Variants in DHDDS observed in about 807,000 individuals in gnomAD.
DHDDS encodes dehydrodolichyl diphosphate synthase complex subunit DHDDS.
In DHDDS, 16 loss-of-function variants were observed where a neutral mutation model predicts 46.2. The observed-to-expected ratio is 0.35, with a 90% CI of 0.23 to 0.53. The LOEUF (loss-of-function observed/expected upper bound fraction) is 0.53, where lower values mean the gene tolerates loss of function less well. DHDDS is among the 20% of genes least tolerant of loss of function. The pLI, the probability that DHDDS is intolerant of heterozygous loss-of-function variation, is 0.94. For synonymous variants in DHDDS, 151 were observed against 163.1 expected (o/e 0.93, Z 0.56); for missense variants, 340 against 423.7 (o/e 0.80, Z 1.73).
intron 8 of DHDDS, chr1:26,466,197 C>T (rs563935057): frequency 9.2e-5 from 14 of 152,284 alleles, no homozygotes; most frequent in Admixed American, 4.6e-4. Context: ...TTAACGCCCT[C>T]ACTTACCCTG....
intron 6 of DHDDS, among the ~76,000 whole-genome samples, chr1:26,456,768 C>CTTCT (rs753931542): frequency 6.6e-6 from 1 of 152,190 alleles, no homozygotes; most frequent in Non-Finnish European, 1.5e-5. Flanking sequence ...TTCTTCCTTA[C>CTTCT]TTCTTATCCA....
intron 5 of DHDDS, among the ~76,000 whole-genome samples, chr1:26,446,822 A>C (rs893025388): frequency 1.3e-5 from 2 of 152,154 alleles, no homozygotes; most frequent in African/African-American, 4.8e-5. Context: ...TAACCTATGG[A>C]TAGGATGACC....
intron 6 of DHDDS, among the ~76,000 whole-genome samples, chr1:26,453,421 A>G (rs2075340368): frequency 6.6e-6 from 1 of 152,186 alleles, no homozygotes; most frequent in Admixed American, 6.5e-5. Context: ...TCTGAGTTTG[A>G]AAGTGCTCAT....
rs185342222 is a variant in DHDDS at position 26,458,076 on chromosome 1, G to A, written c.657+171G>A. On this transcript the variant is annotated intron_variant, in intron 7 of 8. Transcript: ENST00000236342. Reference sequence around the variant, plus strand: ...TAGGCTGTGTCTCATAATATTTGATGTCCATTCCTCATCTGTCGCTGGCTT... The same window carrying A: ...TAGGCTGTGTCTCATAATATTTGATATCCATTCCTCATCTGTCGCTGGCTT... Among the ~76,000 whole-genome samples, 4 of 152,280 alleles carry A rather than the reference G, an allele frequency of 2.6e-5. No homozygotes were observed. In the East Asian group the frequency reaches 7.7e-4, roughly 29 times the overall value.
intron 8 of DHDDS, among the ~76,000 whole-genome samples, chr1:26,465,839 T>C (rs1190606937): frequency 6.6e-6 from 1 of 152,172 alleles, no homozygotes; most frequent in African/African-American, 2.4e-5. Flanking sequence ...GGAGGTGCCC[T>C]TCTCTGCCTG....
In DHDDS at chr1:26,446,394, G is replaced by T; in HGVS notation, c.402G>T (p.Leu134=). ...TGTTGCCCTTGGATCTCCAGGAGCTGATTGCACAAGCTGTACAGGCCACGA... is the reference window on the plus strand; with the variant it reads ...TGTTGCCCTTGGATCTCCAGGAGCTTATTGCACAAGCTGTACAGGCCACGA... ...LHLLPLDLQE[L]IAQAVQATKN... The change falls in exon 5 of 9, where the codon CTG becomes CTT. Residue 134 remains leucine, a synonymous_variant. Coordinates refer to ENST00000236342, the MANE Select transcript of DHDDS (RefSeq NM_205861.3). 3 of 1,614,020 alleles carry T rather than the reference G, an allele frequency of 1.9e-6. No individual in the cohort carries two copies. The highest frequency in any genetic ancestry group is 2.5e-6 in the Non-Finnish European group (3 of 1,179,930).
intron 4 of DHDDS, among the ~76,000 whole-genome samples, chr1:26,443,680 G>C (rs2075240185): frequency 6.6e-6 from 1 of 152,144 alleles, no homozygotes; most frequent in African/African-American, 2.4e-5. Flanking sequence ...CTAGAACAAT[G>C]GGTGGTAGGG....
At position 26,469,175 on chromosome 1, in the gene DHDDS, G is replaced by A. The variant is rs748370367; in HGVS notation, c.*44G>A. ...CACTTTGCCCTGCCCTCTGCCTCCAGGGCTCCACTCCCCTTCCTTTTCTTG... is the reference window on the plus strand; with the variant it reads ...CACTTTGCCCTGCCCTCTGCCTCCAAGGCTCCACTCCCCTTCCTTTTCTTG... On this transcript the variant is annotated 3_prime_UTR_variant, in exon 9 of 9. Transcript: ENST00000236342. 2.9e-5 allele frequency: 47 copies of A among 1,610,328 alleles called. No homozygotes were observed. The highest frequency in any genetic ancestry group is 3.9e-5 in the Non-Finnish European group (46 of 1,180,014).
rs763275058 is a variant in DHDDS, at chr1:26,447,549, C to T, written c.441-10C>T. 6 of 1,607,962 alleles carry T rather than the reference C, an allele frequency of 3.7e-6. No homozygotes were observed. In the East Asian group the frequency reaches 1.3e-4, roughly 36 times the overall value. ...CCCTTTGGTAAATTATTCTCTTCTTCCCTCCTCAGGTGTTTCCTGAATGTC... is the reference window on the plus strand; with the variant it reads ...CCCTTTGGTAAATTATTCTCTTCTTTCCTCCTCAGGTGTTTCCTGAATGTC... On this transcript the variant is annotated splice_polypyrimidine_tract_variant and intron_variant, in intron 5 of 8. Coordinates refer to ENST00000236342, the MANE Select transcript of DHDDS (RefSeq NM_205861.3).
chr1:26,455,055 T>C, intron 6 of DHDDS: 1 of 1,033,586 alleles, frequency 9.7e-7, no homozygotes, highest in South Asian at 1.3e-5. Flanking sequence ...AGGTACTTCA[T>C]GGCTTTTCGT....
chr1:26,446,151 TTC>T (rs760255241), intron 4 of DHDDS, among the ~76,000 whole-genome samples, 163 bp from the exon 5 acceptor site: 23 of 152,364 alleles, frequency 1.5e-4, no homozygotes, highest in Middle Eastern at 3.4e-3. Context: ...TGAAGTAAGT[TTC>T]TTTCAGAGTT....
intron 6 of DHDDS, among the ~76,000 whole-genome samples, chr1:26,452,561 G>C (rs2124461190): frequency 6.6e-6 from 1 of 152,264 alleles, no homozygotes; most frequent in South Asian, 2.1e-4. Flanking sequence ...CATTTACTCT[G>C]TTCCAAGCAT....
rs1256925204 is a variant in DHDDS, at chr1:26,443,113, A to AACT, written c.323+240_323+241insACT. The AACT allele has an allele frequency of 8.4e-5, 51 of 608,594 alleles. No homozygotes were observed. The South Asian group carries it at 9.8e-4, about 12-fold the overall frequency. The allele number at this position is 608,594 out of a possible 1,614,324, so 37.7% of individuals were successfully genotyped here. ...TTGAGGGGTGTCACATGATTTAAGAACAAGTACAGCCAGCCTCAAGCAAAA... is the reference window on the plus strand; with the variant it reads ...TTGAGGGGTGTCACATGATTTAAGAAACTCAAGTACAGCCAGCCTCAAGCAAAA... On this transcript the variant is annotated intron_variant, in intron 4 of 8. Transcript: ENST00000236342.
chr1:26,453,093 A>AACACACACAC lies in DHDDS; in HGVS notation c.543-4677_543-4668dup, dbSNP rs57753843. ...AACAACAGAGTGAAACCCTGTCTGA[A>AACACACACAC]ACACACACACACACACACACACACA... On this transcript the variant is annotated intron_variant, in intron 6 of 8. Coordinates refer to ENST00000236342, the MANE Select transcript of DHDDS (RefSeq NM_205861.3). Among the ~76,000 whole-genome samples the AACACACACAC allele has an allele frequency of 2.5e-3, 368 of 146,510 alleles. 2 individuals carry two copies. The highest frequency in any genetic ancestry group is 8.7e-3 in the African/African-American group (350 of 40,044).
At chr1:26,465,305 TC>T (rs1257664151) in intron 8 of DHDDS, among the ~76,000 whole-genome samples, 2 of 152,214 alleles carry the variant, frequency 1.3e-5, no homozygotes, top group Non-Finnish European at 2.9e-5. Flanking sequence ...CTTCTGCTCT[TC>T]AGGTTGTCAC....
chr1:26,443,177 T>C, intron 4 of DHDDS: 1 of 359,508 alleles, frequency 2.8e-6, no homozygotes, highest in African/African-American at 2.1e-5. Context: ...AGAACCTCTG[T>C]ATTCATTTAT....
At chr1:26,451,403 G>GGT (rs2075317524) in intron 6 of DHDDS, among the ~76,000 whole-genome samples, 2 of 102,212 alleles carry the variant, frequency 2.0e-5, no homozygotes, top group Non-Finnish European at 4.1e-5. Context: ...TATGTATGTA[G>GGT]ATGTGTGTGT....
At chr1:26,439,389 G>A (rs1557435076) in intron 3 of DHDDS, among the ~76,000 whole-genome samples, 1 of 151,938 alleles carries the variant, frequency 6.6e-6, no homozygotes, top group Non-Finnish European at 1.5e-5. Context: ...GTTTCAGCCT[G>A]GGCAACATGG....
chr1:26,443,311 C>A (rs917348586), intron 4 of DHDDS, among the ~76,000 whole-genome samples: 1 of 152,066 alleles, frequency 6.6e-6, no homozygotes, highest in Non-Finnish European at 1.5e-5. Context: ...TAAACTATGG[C>A]CAAGGAAGTG....
Sources: allele counts gnomAD v4.1 joint callset (sites outside exome capture counted in the v4.1 genomes callset), GRCh38; gene constraint gnomAD v4.1.1; transcripts MANE v1.5; gene names NCBI Gene and HGNC (gene_info 2026-07-23, HGNC 2026-07-21).